Variants in ADGRL2 observed in about 807,000 individuals in gnomAD.
ADGRL2 encodes the protein adhesion G protein-coupled receptor L2.
A neutral mutation model predicts 157.4 loss-of-function variants in ADGRL2; 44 were observed. The ratio of observed to expected loss-of-function variants is 0.28; its 90% CI spans 0.22 to 0.36. The LOEUF (loss-of-function observed/expected upper bound fraction) is 0.36. Among genes scored for constraint, ADGRL2 ranks in the 10% least tolerant of loss-of-function variants. The pLI, the probability that ADGRL2 is intolerant of heterozygous loss-of-function variation, is 1.00. For synonymous variants in ADGRL2, 585 were observed against 624.7 expected (o/e 0.94, Z 0.95); for missense variants, 1,510 against 1,768.9 (o/e 0.85, Z 2.63).
intron 3 of ADGRL2, among the ~76,000 whole-genome samples, chr1:81,909,756 G>T (rs1033891949): frequency 5.9e-5 from 9 of 151,922 alleles, no homozygotes; most frequent in African/African-American, 1.9e-4. Flanking sequence ...GCCCAAGATG[G>T]TTATAAGGAA....
At chr1:81,824,324 G>T (rs1266982639) in intron 1 of ADGRL2, among the ~76,000 whole-genome samples, 3 of 152,140 alleles carry the variant, frequency 2.0e-5, no homozygotes, top group African/African-American at 7.2e-5. Context: ...GTCCAGGCTG[G>T]AGTACAGTGG....
chr1:81,673,207 T>C (rs2082910412), intron 3 of ADGRL2, among the ~76,000 whole-genome samples: 1 of 152,186 alleles, frequency 6.6e-6, no homozygotes, highest in Admixed American at 6.5e-5. Flanking sequence ...ATGAAATGTA[T>C]CTGTTTTGTT....
At chr1:81,518,576 C>G (rs1237514035) in intron 2 of ADGRL2, among the ~76,000 whole-genome samples, 2 of 152,174 alleles carry the variant, frequency 1.3e-5, no homozygotes, top group Non-Finnish European at 2.9e-5. Context: ...ATAAGACAGA[C>G]AGTGTAGCAT....
chr1:81,533,590 C>G (rs1384531507), intron 2 of ADGRL2, among the ~76,000 whole-genome samples: 1 of 152,030 alleles, frequency 6.6e-6, no homozygotes, highest in Non-Finnish European at 1.5e-5. Context: ...ACTTAAGGGT[C>G]CTTTAATTTT....
At chr1:81,403,150 G>C (rs562558530) in intron 1 of ADGRL2, among the ~76,000 whole-genome samples, 1 of 152,036 alleles carries the variant, frequency 6.6e-6, no homozygotes, top group South Asian at 2.1e-4. Flanking sequence ...AGATGACCTT[G>C]GTAACAACAA....
chr1:81,528,142 C>T (rs980699904), intron 2 of ADGRL2, among the ~76,000 whole-genome samples: 9 of 152,170 alleles, frequency 5.9e-5, no homozygotes, highest in Admixed American at 5.2e-4. Context: ...AATTCGCTGA[C>T]AGCATCTTGA....
intron 1 of ADGRL2, among the ~76,000 whole-genome samples, chr1:81,346,285 C>G (rs1156545839): frequency 6.6e-6 from 1 of 152,176 alleles, no homozygotes; most frequent in Non-Finnish European, 1.5e-5. Context: ...TTTGCAATTG[C>G]TATAATCCTT....
chr1:81,663,946 A>G (rs4650574), intron 3 of ADGRL2, among the ~76,000 whole-genome samples: 31,197 of 151,988 alleles, frequency 0.21, 3,272 homozygotes, highest in African/African-American at 0.23. Context: ...GGGGAAGGAT[A>G]TCCGTTTTTG....
rs576001428 is a variant in ADGRL2 at position 81,676,992 on chromosome 1, CT to C, written c.-142-84804del. Among the ~76,000 whole-genome samples, 548 of 131,726 alleles carry C rather than the reference CT, an allele frequency of 4.2e-3. 1 individual carries two copies. Among genetic ancestry groups the C allele is most frequent in the Middle Eastern group, 0.014 (3 of 208 alleles). The allele number at this position is 131,726 out of a possible 152,430, so 86.4% of individuals were successfully genotyped here. A position where few individuals can be genotyped will look rare whatever the true frequency, so the allele number is the denominator to read the frequency against. On this transcript the variant is annotated intron_variant, in intron 3 of 24. Coordinates refer to the ADGRL2 transcript ENST00000370721. The stretch of plus-strand genomic sequence containing the variant: ...TGCCTGGCCAACTCATTGGATTATT[CT>C]TTTTTTTTTTTTTTCAGAGTTTCGC...
At chr1:81,560,371 T>A (rs1228098744) in intron 2 of ADGRL2, among the ~76,000 whole-genome samples, 1 of 152,208 alleles carries the variant, frequency 6.6e-6, no homozygotes, top group Non-Finnish European at 1.5e-5. Flanking sequence ...ATAGGAAAAC[T>A]ATAGCCTCCA....
intron 1 of ADGRL2, among the ~76,000 whole-genome samples, chr1:81,311,357 A>G (rs772578462): frequency 2.6e-5 from 4 of 152,084 alleles, no homozygotes; most frequent in Admixed American, 6.6e-5. Context: ...TCTATTCTCA[A>G]TGCCTGCAGT....
rs551858369 is a variant in ADGRL2 at position 81,506,981 on chromosome 1, C to A, written c.-248+61892C>A. On this transcript the variant is annotated intron_variant, in intron 2 of 24. Transcript: ENST00000370721. Reference sequence around the variant, plus strand: ...CAGCAGTGAAGAAAACAAAACTCTCCCTTGGCAGACTGTGTAATTAGGAGG... The same window carrying A: ...CAGCAGTGAAGAAAACAAAACTCTCACTTGGCAGACTGTGTAATTAGGAGG... 3.5e-4 allele frequency among the ~76,000 whole-genome samples: 53 copies of A among 152,226 alleles called. 1 individual carries two copies. The South Asian group carries it at 0.011, about 30-fold the overall frequency.
chr1:81,965,898 AT>A (rs1656900694), intron 11 of ADGRL2, among the ~76,000 whole-genome samples, 159 bp from the exon 12 acceptor site: 1 of 152,172 alleles, frequency 6.6e-6, no homozygotes, highest in African/African-American at 2.4e-5. Flanking sequence ...ATTTGGAGTA[AT>A]TTGGTTTTTA....
intron 3 of ADGRL2, among the ~76,000 whole-genome samples, chr1:81,931,769 CT>C (rs1213429535): frequency 6.6e-6 from 1 of 152,008 alleles, no homozygotes; most frequent in African/African-American, 2.4e-5. Context: ...GTAGCTGGAA[CT>C]ACAGGCACAT....
chr1:81,862,648 T>C (rs1020128428), intron 2 of ADGRL2, among the ~76,000 whole-genome samples: 2 of 152,198 alleles, frequency 1.3e-5, no homozygotes, highest in Non-Finnish European at 2.9e-5. Flanking sequence ...AAGCCATTTT[T>C]TTGTTGCTGG....
intron 2 of ADGRL2, among the ~76,000 whole-genome samples, chr1:81,906,026 A>T (rs971390697): frequency 2.0e-5 from 3 of 151,294 alleles, no homozygotes; most frequent in African/African-American, 7.3e-5. Context: ...GAAGAAATAT[A>T]TTTTGGAAGT....
intron 2 of ADGRL2, among the ~76,000 whole-genome samples, chr1:81,780,158 T>G (rs1460621005): frequency 6.6e-6 from 1 of 152,202 alleles, no homozygotes; most frequent in Non-Finnish European, 1.5e-5. Context: ...ACATGTACAT[T>G]CATAACTTCT....
At chr1:81,659,776 G>A (rs1570759830) in intron 3 of ADGRL2, among the ~76,000 whole-genome samples, 1 of 152,060 alleles carries the variant, frequency 6.6e-6, no homozygotes, top group East Asian at 1.9e-4. Flanking sequence ...CTCATCAAAT[G>A]CCCTGTAACT....
chr1:81,462,535 T>C (rs2077959760), intron 2 of ADGRL2, among the ~76,000 whole-genome samples: 1 of 152,158 alleles, frequency 6.6e-6, no homozygotes, highest in African/African-American at 2.4e-5. Context: ...AATGGCAGAT[T>C]CTGGTGATTA....
Sources: allele counts gnomAD v4.1 joint callset (sites outside exome capture counted in the v4.1 genomes callset), GRCh38; gene constraint gnomAD v4.1.1; transcripts MANE v1.5; gene names NCBI Gene and HGNC (gene_info 2026-07-23, HGNC 2026-07-21).